The following ADCY2 variants were observed in gnomAD, a reference collection of about 807,000 sequenced individuals.
The protein encoded by ADCY2 is adenylate cyclase 2, also known as adenylate cyclase type 2.
A neutral mutation model predicts 125.2 loss-of-function variants in ADCY2; 31 were observed. That is an observed-to-expected ratio of 0.25 (90% CI 0.19 to 0.33). The LOEUF is 0.33. Ranked by LOEUF, ADCY2 falls within the 10% of genes least tolerant of loss-of-function variation. ADCY2 has a pLI of 1.00. For synonymous variants in ADCY2, 512 were observed against 548.4 expected (o/e 0.93, Z 0.93); for missense variants, 904 against 1,418.2 (o/e 0.64, Z 5.82).
chr5:7,537,543 T>C (rs937687734), intron 3 of ADCY2, among the ~76,000 whole-genome samples: 1 of 152,172 alleles, frequency 6.6e-6, no homozygotes, highest in Non-Finnish European at 1.5e-5. Context: ...TGCACATTCT[T>C]TGCTGTCCTC....
At chr5:7,451,974 C>T (rs1741488322) in intron 2 of ADCY2, among the ~76,000 whole-genome samples, 1 of 152,106 alleles carries the variant, frequency 6.6e-6, no homozygotes, top group South Asian at 2.1e-4. Context: ...TGCAATGGCA[C>T]ATCTCGGCTC....
At position 7,803,891 on chromosome 5, in the gene ADCY2, C is replaced by T. The variant is rs193068019; in HGVS notation, c.2776-694C>T. ...CTCCAGCTAGGGTGACAGAGCAAGA[C>T]TCTGTCTCGAATATATATATATATA... On this transcript the variant is annotated intron_variant, in intron 21 of 24. Coordinates refer to ENST00000338316, the MANE Select transcript of ADCY2 (RefSeq NM_020546.3). Among the ~76,000 whole-genome samples the T allele has an allele frequency of 3.0e-3, 457 of 150,732 alleles. 5 individuals carry two copies. The highest frequency in any genetic ancestry group is 0.011 in the African/African-American group (432 of 41,038).
At chr5:7,410,659 T>A (rs1042348044) in intron 1 of ADCY2, among the ~76,000 whole-genome samples, 1 of 152,208 alleles carries the variant, frequency 6.6e-6, no homozygotes, top group South Asian at 2.1e-4. Context: ...AAGCCATTTT[T>A]AAAAAGACAT....
rs1344082537 is a variant in ADCY2 at position 7,799,603 on chromosome 5, G to A, written c.2629-2615G>A. 2.6e-5 allele frequency: 4 copies of A among 152,286 alleles called. No individual in the cohort carries two copies. In the East Asian group the frequency reaches 7.7e-4, roughly 29 times the overall value. The allele number at this position is 152,286 out of a possible 1,614,324, so 9.4% of individuals were successfully genotyped here. ...CATTCACGGCCTGCAGAGAATGCAG[G>A]GATTGGTCCTGGCCCTTCCCCTTAG... On this transcript the variant is annotated intron_variant, in intron 20 of 24. Transcript: ENST00000338316.
At chr5:7,622,942 G>A (rs1032420919) in intron 3 of ADCY2, among the ~76,000 whole-genome samples, 10 of 152,224 alleles carry the variant, frequency 6.6e-5, no homozygotes, top group Admixed American at 2.0e-4. Flanking sequence ...GGAAAGAGCC[G>A]TGACACTCAG....
intron 22 of ADCY2, among the ~76,000 whole-genome samples, chr5:7,808,774 C>T (rs1315911504): frequency 2.0e-5 from 3 of 152,162 alleles, no homozygotes; most frequent in Admixed American, 2.0e-4. Context: ...ATTCATTCAT[C>T]GCTGCTCCCA....
At position 7,743,068 on chromosome 5, in the gene ADCY2, T is replaced by G. The variant is rs115349833; in HGVS notation, c.1872-600T>G. On this transcript the variant is annotated intron_variant, in intron 14 of 24. Coordinates refer to ENST00000338316, the MANE Select transcript of ADCY2 (RefSeq NM_020546.3). ...GCCTGTAATCTGTCAGTAGCAGGAT[T>G]TGCAACTCAGTAGGCATGTTTTTCA... Among the ~76,000 whole-genome samples, 1,045 of 152,318 alleles carry G rather than the reference T, an allele frequency of 6.9e-3. 5 individuals are homozygous for G. Among genetic ancestry groups the G allele is most frequent in the Non-Finnish European group, 0.011 (732 of 68,028 alleles).
At chr5:7,658,205 G>A (rs877546) in intron 4 of ADCY2, 20,049 of 152,214 alleles carry the variant, frequency 0.13, 1,427 homozygotes, top group South Asian at 0.2. Context: ...GCTGGGTGGA[G>A]AATATCCCTA....
At chr5:7,754,417 A>G (rs1213080216) in intron 15 of ADCY2, among the ~76,000 whole-genome samples, 1 of 152,194 alleles carries the variant, frequency 6.6e-6, no homozygotes, top group Admixed American at 6.5e-5. Flanking sequence ...AACTTTTTAA[A>G]TGTTCTACTG....
intron 19 of ADCY2, among the ~76,000 whole-genome samples, chr5:7,789,305 C>G (rs929720401): frequency 6.6e-6 from 1 of 152,244 alleles, no homozygotes; most frequent in African/African-American, 2.4e-5. Flanking sequence ...ATGTATTCAT[C>G]ATTTATATTC....
intron 11 of ADCY2, among the ~76,000 whole-genome samples, chr5:7,715,028 G>A (rs897518799): frequency 6.6e-6 from 1 of 152,202 alleles, no homozygotes; most frequent in African/African-American, 2.4e-5. Flanking sequence ...CACCAGGATG[G>A]GAAGATGAGA....
chr5:7,627,415 C>T (rs1294111723), intron 4 of ADCY2, among the ~76,000 whole-genome samples: 1 of 152,168 alleles, frequency 6.6e-6, no homozygotes, highest in Non-Finnish European at 1.5e-5. Context: ...CCTGGATTTG[C>T]TGTGCTTCAC....
At chr5:7,432,025 A>G (rs1437049640) in intron 2 of ADCY2, among the ~76,000 whole-genome samples, 2 of 152,050 alleles carry the variant, frequency 1.3e-5, no homozygotes, top group African/African-American at 4.8e-5. Flanking sequence ...CTCAAGCTCT[A>G]CTGGCAGAGA....
intron 3 of ADCY2, among the ~76,000 whole-genome samples, chr5:7,552,424 T>G (rs952100700): frequency 6.6e-6 from 1 of 152,222 alleles, no homozygotes; most frequent in Non-Finnish European, 1.5e-5. Flanking sequence ...CTGTATTTCT[T>G]TATTGCAAAT....
chr5:7,755,030 G>A (rs1292460322), intron 15 of ADCY2, among the ~76,000 whole-genome samples: 1 of 152,192 alleles, frequency 6.6e-6, no homozygotes, highest in Admixed American at 6.5e-5. Context: ...CCTCTAAGAT[G>A]CTGCATGTTC....
At chr5:7,551,976 T>G (rs540274467) in intron 3 of ADCY2, among the ~76,000 whole-genome samples, 15 of 152,340 alleles carry the variant, frequency 9.8e-5, no homozygotes, top group Admixed American at 7.8e-4. Flanking sequence ...GTATATTTAA[T>G]TTTATTACCT....
At position 7,693,406 on chromosome 5, in the gene ADCY2, G is replaced by GTTTT. The variant is rs139450063; in HGVS notation, c.870-2343_870-2340dup. Among the ~76,000 whole-genome samples, 53 of 58,646 alleles carry GTTTT rather than the reference G, an allele frequency of 9.0e-4. 1 individual carries two copies. The highest frequency in any genetic ancestry group is 1.4e-3 in the Non-Finnish European group (38 of 27,732). The allele number at this position is 58,646 out of a possible 152,430, so 38.5% of individuals were successfully genotyped here. ...GTACCTTGCATCACAATTGCCTGCTGTTTTTTGTTTTTTTTTTTTTTTTTT... is the reference window on the plus strand; with the variant it reads ...GTACCTTGCATCACAATTGCCTGCTGTTTTTTTTTTGTTTTTTTTTTTTTTTTTT... On this transcript the variant is annotated intron_variant, in intron 5 of 24. Coordinates refer to ENST00000338316, the MANE Select transcript of ADCY2 (RefSeq NM_020546.3).
chr5:7,551,048 T>C (rs1178799857), intron 3 of ADCY2, among the ~76,000 whole-genome samples: 1 of 136,072 alleles, frequency 7.3e-6, no homozygotes, highest in Non-Finnish European at 1.6e-5. Flanking sequence ...CTCCCTTCCT[T>C]CCTTCCTTCC....
chr5:7,529,277 A>G (rs182186307), intron 3 of ADCY2, among the ~76,000 whole-genome samples: 2 of 152,200 alleles, frequency 1.3e-5, no homozygotes, highest in East Asian at 3.9e-4. Context: ...GGCCAGGTGC[A>G]TAGTTAGTGC....
Sources: gnomAD v4.1 joint callset for allele counts (sites outside exome capture counted in the v4.1 genomes callset) on GRCh38, gnomAD v4.1.1 for gene constraint, MANE v1.5 for transcripts, NCBI Gene and HGNC (gene_info 2026-07-23, HGNC 2026-07-21) for gene names.